Variants in KLHL7 observed in about 807,000 individuals in gnomAD.
The protein encoded by KLHL7 is kelch like family member 7, also known as kelch-like protein 7.
A neutral mutation model predicts 67.4 loss-of-function variants in KLHL7; 44 were observed. That is an observed-to-expected ratio of 0.65 (90% CI 0.51 to 0.84). The LOEUF (loss-of-function observed/expected upper bound fraction) is 0.84, where lower values mean the gene tolerates loss of function less well. Among genes scored for constraint, KLHL7 ranks in the 40% least tolerant of loss-of-function variants. The pLI is 0.00. For missense variants in KLHL7, 362 were observed against 718.1 expected, an observed-to-expected ratio of 0.50 and a Z score of 5.67; for synonymous variants, 252 against 243.3, an observed-to-expected ratio of 1.04 and a Z score of -0.33.
chr7:23,123,058 T>C (rs987146185), intron 1 of KLHL7, among the ~76,000 whole-genome samples: 1 of 152,226 alleles, frequency 6.6e-6, no homozygotes, highest in African/African-American at 2.4e-5. Flanking sequence ...AATTTTTTCT[T>C]TATTATTCCG....
intron 7 of KLHL7, 149 bp downstream of exon 7, chr7:23,152,358 A>AT (rs1784563846): frequency 2.6e-6 from 2 of 757,176 alleles, no homozygotes; most frequent in Non-Finnish European, 4.5e-6. Context: ...TACATAGATC[A>AT]TTTTACAGAT....
chr7:23,166,681 T>C (rs1785011903), intron 8 of KLHL7, among the ~76,000 whole-genome samples: 1 of 152,152 alleles, frequency 6.6e-6, no homozygotes, highest in Admixed American at 6.5e-5. Flanking sequence ...ACAAGAAAAA[T>C]CACTATTTCC....
Position 23,124,842 on chromosome 7 carries a change from T to C in KLHL7, c.317+61T>C, listed in dbSNP as rs759292274. 8.1e-6 allele frequency: 10 copies of C among 1,239,382 alleles called. No individual in the cohort carries two copies. The East Asian group carries it at 2.3e-4, about 29-fold the overall frequency. The allele number at this position is 1,239,382 out of a possible 1,614,324, so 76.8% of individuals were successfully genotyped here. A position where few individuals can be genotyped will look rare whatever the true frequency, so the allele number is the denominator to read the frequency against. On this transcript the variant is annotated intron_variant, in intron 3 of 10. Coordinates refer to ENST00000339077, the MANE Select transcript of KLHL7 (RefSeq NM_001031710.3). ...TGTTGGTATCTACCATGGCAAAGCA[T>C]TGTCGTAACAAATAGTTGCACTACA...
Position 23,105,821 on chromosome 7 carries a change from C to G in KLHL7, c.-206C>G. 1 of 687,494 alleles carries G rather than the reference C, an allele frequency of 1.5e-6. No individual in the cohort carries two copies. Among genetic ancestry groups the G allele is most frequent in the South Asian group, 1.7e-5 (1 of 59,272 alleles). 42.6% of individuals were successfully genotyped at this position (687,494 alleles called of 1,614,324 possible). A position where few individuals can be genotyped will look rare whatever the true frequency, so the allele number is the denominator to read the frequency against. On this transcript the variant is annotated 5_prime_UTR_variant, in exon 1 of 11. Coordinates refer to ENST00000339077, the MANE Select transcript of KLHL7 (RefSeq NM_001031710.3). Reference sequence around the variant, plus strand: ...GGGGACGCAGCCCAGTTGGTAGCGTCGCTCCCTGAGCGTTTCTAAGGGGGC... The same window carrying G: ...GGGGACGCAGCCCAGTTGGTAGCGTGGCTCCCTGAGCGTTTCTAAGGGGGC...
At chr7:23,144,169 C>T in intron 6 of KLHL7, 144 bp downstream of exon 6, 1 of 728,596 alleles carries the variant, frequency 1.4e-6, no homozygotes, top group Non-Finnish European at 2.4e-6. Context: ...CCTTGGGTTT[C>T]TGAACTGTAC....
In KLHL7 at chr7:23,139,343, A is replaced by G. The variant is rs1276077964; in HGVS notation, c.443-1426A>G. ...AAGAAATCTAGTAACATAATTTACT[A>G]TGCTAACAAGCTGTAGGAGAAAACT... On this transcript the variant is annotated intron_variant, in intron 4 of 10. Coordinates refer to ENST00000339077, the MANE Select transcript of KLHL7 (RefSeq NM_001031710.3). 8.5e-5 allele frequency among the ~76,000 whole-genome samples: 13 copies of G among 152,376 alleles called. No individual in the cohort carries two copies. In the East Asian group the frequency reaches 2.5e-3, roughly 29 times the overall value.
intron 1 of KLHL7, among the ~76,000 whole-genome samples, chr7:23,115,264 G>A (rs1396248277): frequency 6.6e-6 from 1 of 152,174 alleles, no homozygotes; most frequent in Non-Finnish European, 1.5e-5. Flanking sequence ...CCCAGATGTT[G>A]ACATTTTATT....
intron 4 of KLHL7, among the ~76,000 whole-genome samples, chr7:23,126,870 T>C (rs1006728999): frequency 8.5e-5 from 13 of 152,110 alleles, no homozygotes; most frequent in African/African-American, 3.1e-4. Flanking sequence ...ACTGAAGGAA[T>C]TTTTAAAAGG....
At chr7:23,153,983 T>C (rs1341058513) in intron 7 of KLHL7, among the ~76,000 whole-genome samples, 1 of 152,218 alleles carries the variant, frequency 6.6e-6, no homozygotes, top group Non-Finnish European at 1.5e-5. Context: ...TTGCATGCCA[T>C]TCATTCTCTG....
chr7:23,128,557 T>G (rs551327660), intron 4 of KLHL7, among the ~76,000 whole-genome samples: 19 of 151,266 alleles, frequency 1.3e-4, no homozygotes, highest in Non-Finnish European at 2.7e-4. Flanking sequence ...CCTTCAAAGA[T>G]CAAAAGAGAG....
At chr7:23,165,246 C>A (rs1314303186) in intron 7 of KLHL7, among the ~76,000 whole-genome samples, 1 of 152,196 alleles carries the variant, frequency 6.6e-6, no homozygotes, top group Non-Finnish European at 1.5e-5. Context: ...TTTAGACTAT[C>A]AGTAGGATAA....
intron 8 of KLHL7, among the ~76,000 whole-genome samples, chr7:23,167,306 G>A: frequency 6.6e-6 from 1 of 151,924 alleles, no homozygotes; most frequent in South Asian, 2.1e-4. Context: ...ACTCAAGCAG[G>A]GACCAGTGTG....
intron 6 of KLHL7, among the ~76,000 whole-genome samples, chr7:23,148,242 G>T (rs1784419884): frequency 1.3e-5 from 2 of 152,004 alleles, no homozygotes; most frequent in South Asian, 4.2e-4. Flanking sequence ...TTTCATAAGT[G>T]CCAAATGCAT....
intron 4 of KLHL7, 25 bp downstream of exon 4, chr7:23,125,197 T>G: frequency 6.2e-7 from 1 of 1,609,934 alleles, no homozygotes; most frequent in South Asian, 1.1e-5. Context: ...ATTCCTGTTG[T>G]GTGTTTATTT....
At chr7:23,118,253 C>T (rs1174831860) in intron 1 of KLHL7, among the ~76,000 whole-genome samples, 1 of 152,224 alleles carries the variant, frequency 6.6e-6, no homozygotes, top group Non-Finnish European at 1.5e-5. Context: ...CTTTCAGGCA[C>T]TAAAGCAGCA....
chr7:23,165,392 T>G (rs1219904262), intron 7 of KLHL7, among the ~76,000 whole-genome samples: 1 of 152,212 alleles, frequency 6.6e-6, no homozygotes, highest in Non-Finnish European at 1.5e-5. Context: ...CTTCTTGTAT[T>G]GTCTTCAATA....
At chr7:23,111,015 G>C (rs1782847478) in intron 1 of KLHL7, among the ~76,000 whole-genome samples, 2 of 152,078 alleles carry the variant, frequency 1.3e-5, no homozygotes, top group Admixed American at 1.3e-4. Context: ...AACCCTGACA[G>C]TCCCAATCCT....
At chr7:23,135,326 T>C (rs1022782576) in intron 4 of KLHL7, among the ~76,000 whole-genome samples, 2 of 152,200 alleles carry the variant, frequency 1.3e-5, no homozygotes, top group Non-Finnish European at 2.9e-5. Context: ...TTTTAAATGT[T>C]TTAAGACTTG....
intron 4 of KLHL7, 110 bp from the exon 5 acceptor site, chr7:23,140,659 A>T (rs1377463094): frequency 1.2e-6 from 1 of 858,442 alleles, no homozygotes; most frequent in Admixed American, 2.0e-5. Flanking sequence ...ACGGATCCAG[A>T]TTTATGAAAT....
Sources: allele counts gnomAD v4.1 joint callset (sites outside exome capture counted in the v4.1 genomes callset), GRCh38; gene constraint gnomAD v4.1.1; transcripts MANE v1.5; gene names NCBI Gene and HGNC (gene_info 2026-07-23, HGNC 2026-07-21).